TMEM212: variants seen among roughly 807,000 people sequenced by gnomAD.
The protein encoded by TMEM212 is transmembrane protein 212.
TMEM212 carries 23 observed loss-of-function variants against 20.5 expected under a neutral mutation model. That is an observed-to-expected ratio of 1.12 (90% CI 0.81 to 1.59). The LOEUF (loss-of-function observed/expected upper bound fraction) is 1.59. Ranked by LOEUF, TMEM212 falls within the 40% of genes most tolerant of loss-of-function variation. The pLI is 0.00. For missense variants in TMEM212, 211 were observed against 215.0 expected (o/e 0.98, Z 0.12); for synonymous variants, 76 against 81.6 (o/e 0.93, Z 0.37).
chr3:171,849,073 C>T (rs547125735), intron 1 of TMEM212, among the ~76,000 whole-genome samples: 1 of 152,194 alleles, frequency 6.6e-6, no homozygotes, highest in African/African-American at 2.4e-5. Context: ...CTACTCTTCT[C>T]TGCCAAGAAC....
chr3:171,844,443 C>A (rs1048998805), intron 1 of TMEM212, among the ~76,000 whole-genome samples: 1 of 152,166 alleles, frequency 6.6e-6, no homozygotes, highest in South Asian at 2.1e-4. Context: ...CATGGTGGCT[C>A]ACGCTTGTAA....
At chr3:171,856,371 T>C (rs1175732501) in intron 3 of TMEM212, among the ~76,000 whole-genome samples, 1 of 152,198 alleles carries the variant, frequency 6.6e-6, no homozygotes, top group African/African-American at 2.4e-5. Flanking sequence ...CCTAGTAAAC[T>C]GGATAAGTGA....
chr3:171,844,583 G>A (rs1724791110), intron 1 of TMEM212, among the ~76,000 whole-genome samples: 1 of 152,106 alleles, frequency 6.6e-6, no homozygotes, highest in Non-Finnish European at 1.5e-5. Context: ...GCATGCACCT[G>A]TAATCCCAGC....
At chr3:171,846,990 T>A (rs906329149) in intron 1 of TMEM212, among the ~76,000 whole-genome samples, 16 of 152,248 alleles carry the variant, frequency 1.1e-4, no homozygotes, top group African/African-American at 3.9e-4. Context: ...GATTTTTGTA[T>A]ATGATACAGT....
rs374938617 is a variant in TMEM212, at chr3:171,853,730, C to T, written c.423C>T (p.Tyr141=). 7.7e-5 allele frequency: 119 copies of T among 1,537,322 alleles called. No individual in the cohort carries two copies. The highest frequency in any genetic ancestry group is 3.3e-4 in the Admixed American group (17 of 50,974). ...TAGCCTGTGTGGACCCACCACACTA[C>T]GAAGAGTACCACCTGACACTTCAAG... ...FPLACVDPPH[Y]EEYHLTLQAL... is the part of the protein sequence containing the mutation. The change falls in exon 3 of 5, where the codon TAC becomes TAT. Residue 141 remains tyrosine (Y), a synonymous_variant. Coordinates refer to ENST00000334567, the MANE Select transcript of TMEM212 (RefSeq NM_001164436.2).
In TMEM212 at chr3:171,847,012, G is replaced by C. The variant is rs543922886; in HGVS notation, c.159+3470G>C. 3.3e-5 allele frequency among the ~76,000 whole-genome samples: 5 copies of C among 152,316 alleles called. No homozygotes were observed. The South Asian group carries it at 1.0e-3, about 32-fold the overall frequency. ...GTATATGATACAGTACTTTGAATTTGTTCAAAGTCTTTCATTCAAGACTCT... is the reference window on the plus strand; with the variant it reads ...GTATATGATACAGTACTTTGAATTTCTTCAAAGTCTTTCATTCAAGACTCT... On this transcript the variant is annotated intron_variant, in intron 1 of 4. Coordinates refer to ENST00000334567, the MANE Select transcript of TMEM212 (RefSeq NM_001164436.2).
intron 1 of TMEM212, among the ~76,000 whole-genome samples, chr3:171,844,676 A>G (rs998592673): frequency 1.3e-5 from 2 of 152,198 alleles, no homozygotes; most frequent in African/African-American, 4.8e-5. Context: ...ACTGCACTCC[A>G]GCCTGGGTGA....
At chr3:171,845,698 G>T (rs1578513022) in intron 1 of TMEM212, among the ~76,000 whole-genome samples, 1 of 152,248 alleles carries the variant, frequency 6.6e-6, no homozygotes, top group African/African-American at 2.4e-5. Context: ...AGAGATAAAG[G>T]ATTTAGAGAA....
At chr3:171,853,902 A>G in intron 3 of TMEM212, 52 bp downstream of exon 3, 1 of 1,388,038 alleles carries the variant, frequency 7.2e-7, no homozygotes, top group Non-Finnish European at 9.7e-7. Flanking sequence ...GTATGCTAAA[A>G]TGGAAAGTCT....
intron 3 of TMEM212, among the ~76,000 whole-genome samples, chr3:171,854,552 G>T (rs1228100245): frequency 1.3e-5 from 2 of 152,182 alleles, no homozygotes; most frequent in Non-Finnish European, 2.9e-5. Context: ...AATTAATGTT[G>T]TTAAAATGTC....
chr3:171,852,307 T>A (rs904711842), intron 2 of TMEM212, among the ~76,000 whole-genome samples: 4 of 152,004 alleles, frequency 2.6e-5, no homozygotes, highest in Non-Finnish European at 4.4e-5. Context: ...TTCAAGTGAT[T>A]CTCCTGCCTC....
At chr3:171,854,313 TA>T (rs1725062167) in intron 3 of TMEM212, among the ~76,000 whole-genome samples, 1 of 152,144 alleles carries the variant, frequency 6.6e-6, no homozygotes, top group African/African-American at 2.4e-5. Flanking sequence ...TTAGAACTGA[TA>T]AATTCAGTAA....
chr3:171,848,597 T>A (rs1056610432), intron 1 of TMEM212, among the ~76,000 whole-genome samples: 1 of 151,800 alleles, frequency 6.6e-6, no homozygotes, highest in Non-Finnish European at 1.5e-5. Context: ...TAGAATAGAA[T>A]AGAATAGAAT....
Position 171,858,165 on chromosome 3 carries a change from C to T in TMEM212, c.*108C>T, listed in dbSNP as rs1171619347. 4.6e-5 allele frequency: 7 copies of T among 152,166 alleles called. No individual in the cohort carries two copies. The highest frequency in any genetic ancestry group is 8.8e-5 in the Non-Finnish European group (6 of 68,086). The allele number at this position is 152,166 out of a possible 1,614,324, so 9.4% of individuals were successfully genotyped here. ...CTGGAGGCATCACACTACCTGACTT[C>T]AAACTATTCTACAAGGCTACAGTTA... On this transcript the variant is annotated 3_prime_UTR_variant, in exon 5 of 5. Transcript: ENST00000334567.
intron 4 of TMEM212, among the ~76,000 whole-genome samples, chr3:171,857,243 C>T (rs143658789): frequency 2.0e-5 from 3 of 152,014 alleles, no homozygotes; most frequent in African/African-American, 7.2e-5. Context: ...AAAACTCACA[C>T]ACATGGAATC....
Position 171,853,764 on chromosome 3 carries a change from C to T in TMEM212, c.457C>T (p.Leu153=). 6.5e-7 allele frequency: 1 copy of T among 1,537,372 alleles called. No homozygotes were observed. Among genetic ancestry groups the T allele is most frequent in the Non-Finnish European group, 8.7e-7 (1 of 1,146,906 alleles). ...CCACCTGACACTTCAAGCCCTAGAC[C>T]TGTGCCTAAGCTTTACCCTACTCTG... is the stretch of plus-strand genomic sequence containing the variant. ...EYHLTLQALD[L]CLSFTLLCTS... The change falls in exon 3 of 5, where the codon CTG becomes TTG. Residue 153 remains leucine, a synonymous_variant. Transcript: ENST00000334567.
chr3:171,855,252 T>C (rs1725087399), intron 3 of TMEM212, among the ~76,000 whole-genome samples: 1 of 152,210 alleles, frequency 6.6e-6, no homozygotes, highest in Non-Finnish European at 1.5e-5. Flanking sequence ...CACCTTTTGA[T>C]GGTTCCTGTA....
At chr3:171,847,713 G>A (rs1460070298) in intron 1 of TMEM212, among the ~76,000 whole-genome samples, 1 of 152,094 alleles carries the variant, frequency 6.6e-6, no homozygotes, top group East Asian at 1.9e-4. Context: ...CAGGGGCAAG[G>A]GGGATTCTGG....
In TMEM212 at chr3:171,858,730, A is replaced by ATTATTAGGG. The variant is rs1256806141; in HGVS notation, c.*673_*674insTTATTAGGG. 1.2e-3 allele frequency: 182 copies of ATTATTAGGG among 152,300 alleles called. 1 individual carries two copies. Among genetic ancestry groups the ATTATTAGGG allele is most frequent in the African/African-American group, 4.1e-3 (171 of 41,550 alleles). The allele number at this position is 152,300 out of a possible 1,614,324, so 9.4% of individuals were successfully genotyped here. On this transcript the variant is annotated 3_prime_UTR_variant, in exon 5 of 5. Transcript: ENST00000334567. ...AGAACTTAAACAAATTTACAAGAAA[A>ATTATTAGGG]AAACAAACAACCACATCAAAAAGTA...
Sources: allele counts gnomAD v4.1 joint callset (sites outside exome capture counted in the v4.1 genomes callset), GRCh38; gene constraint gnomAD v4.1.1; transcripts MANE v1.5; gene names NCBI Gene and HGNC (gene_info 2026-07-23, HGNC 2026-07-21).